CAMTA1: variants seen among roughly 807,000 people sequenced by gnomAD.
CAMTA1 encodes the protein calmodulin binding transcription activator 1.
A neutral mutation model predicts 170.9 loss-of-function variants in CAMTA1; 27 were observed. The ratio of observed to expected loss-of-function variants is 0.16; its 90% CI spans 0.12 to 0.22. The LOEUF (loss-of-function observed/expected upper bound fraction) is 0.22, where lower values mean the gene tolerates loss of function less well. Among genes scored for constraint, CAMTA1 ranks in the 10% least tolerant of loss-of-function variants. The pLI is 1.00. For synonymous variants in CAMTA1, 833 were observed against 891.5 expected, an observed-to-expected ratio of 0.93 and a Z score of 1.17; for missense variants, 1,619 against 2,217.2, an observed-to-expected ratio of 0.73 and a Z score of 5.42.
chr1:6,823,121 C>T (rs1245989604), intron 2 of CAMTA1, among the ~76,000 whole-genome samples: 3 of 151,880 alleles, frequency 2.0e-5, no homozygotes, highest in Non-Finnish European at 1.5e-5. Flanking sequence ...TAGAATTTCA[C>T]CTCTATTTTC....
Position 7,135,384 on chromosome 1 carries a change from G to A in CAMTA1, c.302+44013G>A, listed in dbSNP as rs182211910. Among the ~76,000 whole-genome samples the A allele has an allele frequency of 4.5e-4, 69 of 152,214 alleles. 1 individual carries two copies. Among genetic ancestry groups the A allele is most frequent in the Non-Finnish European group, 4.9e-4 (33 of 68,006 alleles). On this transcript the variant is annotated intron_variant, in intron 4 of 22. Transcript: ENST00000303635. ...GCCTGGGCAACAAGAGAGAAACTCC[G>A]TCTCAAAATAAATAAATAAAATAAA...
chr1:6,952,985 C>T (rs530098654), intron 3 of CAMTA1, among the ~76,000 whole-genome samples: 10 of 151,916 alleles, frequency 6.6e-5, no homozygotes, highest in East Asian at 1.9e-4. Flanking sequence ...TCCTTCCCGC[C>T]GCCTTCCGAA....
chr1:6,810,859 G>C (rs1645081610), intron 1 of CAMTA1, among the ~76,000 whole-genome samples: 2 of 152,172 alleles, frequency 1.3e-5, no homozygotes, highest in African/African-American at 4.8e-5. Context: ...CCATCATAAA[G>C]TTTGTCCTCC....
intron 7 of CAMTA1, among the ~76,000 whole-genome samples, chr1:7,659,369 A>C (rs2095934310): frequency 6.6e-6 from 1 of 152,108 alleles, no homozygotes; most frequent in Admixed American, 6.5e-5. Flanking sequence ...CCCCATCTCT[A>C]CTAAAAATAC....
At chr1:6,857,808 G>A (rs1308866746) in intron 3 of CAMTA1, among the ~76,000 whole-genome samples, 2 of 152,162 alleles carry the variant, frequency 1.3e-5, no homozygotes, top group Admixed American at 1.3e-4. Context: ...ATCAAATCAT[G>A]TGCCGAGTGC....
At chr1:7,708,874 G>A (rs1033277896) in intron 11 of CAMTA1, among the ~76,000 whole-genome samples, 3 of 152,178 alleles carry the variant, frequency 2.0e-5, no homozygotes, top group Admixed American at 2.0e-4. Flanking sequence ...GTGATGATAA[G>A]TCATGTAAAT....
At chr1:7,190,124 A>C (rs774422438) in intron 4 of CAMTA1, among the ~76,000 whole-genome samples, 1 of 152,118 alleles carries the variant, frequency 6.6e-6, no homozygotes, top group Non-Finnish European at 1.5e-5. Flanking sequence ...GATTTTGCGG[A>C]CTCGGGGGAA....
chr1:7,353,969 C>T (rs957112744), intron 5 of CAMTA1, among the ~76,000 whole-genome samples: 6 of 152,056 alleles, frequency 3.9e-5, no homozygotes, highest in African/African-American at 1.4e-4. Context: ...ACCGTGTGTA[C>T]TCAGTGTCTG....
chr1:7,435,117 T>A lies in CAMTA1; in HGVS notation c.439-32713T>A, dbSNP rs907588035. Among the ~76,000 whole-genome samples the A allele has an allele frequency of 1.2e-4, 18 of 152,178 alleles. No individual in the cohort carries two copies. Among genetic ancestry groups the A allele is most frequent in the Non-Finnish European group, 2.4e-4 (16 of 68,030 alleles). On this transcript the variant is annotated intron_variant, in intron 5 of 22. Transcript: ENST00000303635. This position sits in a 1 kb window ranked among gnomAD's most constrained non-coding sequence, Gnocchi z 4.4. ...GCTGAATGCTGCCTGAAGCCTTTTT[T>A]ATAAGGGCCTGAATCCCATTTTGGC...
chr1:7,572,264 A>T (rs2150341656), intron 6 of CAMTA1, among the ~76,000 whole-genome samples: 1 of 152,322 alleles, frequency 6.6e-6, no homozygotes, highest in Middle Eastern at 3.4e-3. Flanking sequence ...CATAGTTTGT[A>T]AATATTTTCT....
intron 4 of CAMTA1, among the ~76,000 whole-genome samples, chr1:7,180,479 A>G (rs1312061038): frequency 1.3e-5 from 2 of 149,182 alleles, no homozygotes; most frequent in Non-Finnish European, 3.0e-5. Context: ...TCTAGAAAAA[A>G]TCCTGAAGGA....
At chr1:6,800,182 GATT>G (rs1643555962) in intron 1 of CAMTA1, among the ~76,000 whole-genome samples, 1 of 152,088 alleles carries the variant, frequency 6.6e-6, no homozygotes, top group South Asian at 2.1e-4. Context: ...GAGACGGGAG[GATT>G]GCTTTAGCCC....
chr1:7,545,986 C>T (rs1454687976), intron 6 of CAMTA1, among the ~76,000 whole-genome samples: 3 of 146,580 alleles, frequency 2.0e-5, no homozygotes, highest in African/African-American at 5.0e-5. Context: ...GACGGAGTCT[C>T]GCTCTGTCGC....
intron 22 of CAMTA1, among the ~76,000 whole-genome samples, chr1:7,757,850 AAGC>A: frequency 6.6e-6 from 1 of 152,226 alleles, no homozygotes; most frequent in Non-Finnish European, 1.5e-5. Flanking sequence ...TGGGGGAAAA[AAGC>A]AGCTATACTC....
chr1:6,903,395 T>A (rs1322608903), intron 3 of CAMTA1, among the ~76,000 whole-genome samples: 1 of 152,260 alleles, frequency 6.6e-6, no homozygotes, highest in Non-Finnish European at 1.5e-5. Context: ...ATGTTAATTA[T>A]ACCTTAATTA....
chr1:7,481,114 C>A (rs1243558392), intron 6 of CAMTA1, among the ~76,000 whole-genome samples: 1 of 152,196 alleles, frequency 6.6e-6, no homozygotes, highest in Non-Finnish European at 1.5e-5. Context: ...GCTTCCCAAC[C>A]CTAAGCCACG....
At chr1:6,984,579 ACC>A (rs1466212019) in intron 3 of CAMTA1, among the ~76,000 whole-genome samples, 1 of 152,136 alleles carries the variant, frequency 6.6e-6, no homozygotes, top group Non-Finnish European at 1.5e-5. Context: ...GCGCCACTGC[ACC>A]CTGCCTGGGT....
intron 5 of CAMTA1, among the ~76,000 whole-genome samples, chr1:7,452,282 G>A (rs1050687951): frequency 2.6e-5 from 4 of 152,222 alleles, no homozygotes; most frequent in African/African-American, 9.7e-5. Context: ...TGTGTGTGCT[G>A]AGGCAGCTTC....
At chr1:6,925,463 C>T (rs754529578) in intron 3 of CAMTA1, among the ~76,000 whole-genome samples, 4 of 152,220 alleles carry the variant, frequency 2.6e-5, no homozygotes, top group South Asian at 4.1e-4. Context: ...TGGATTTAAT[C>T]GAATGGCTCA....
Sources: allele counts gnomAD v4.1 joint callset (sites outside exome capture counted in the v4.1 genomes callset), GRCh38; gene constraint gnomAD v4.1.1; non-coding constraint Gnocchi (gnomAD v3.1); transcripts MANE v1.5; gene names NCBI Gene and HGNC (gene_info 2026-07-23, HGNC 2026-07-21).